The following HSPBP1 variants were observed in gnomAD, a reference collection of about 807,000 sequenced individuals.
The protein encoded by HSPBP1 is HSPA (Hsp70) binding protein 1.
In HSPBP1, 31 loss-of-function variants were observed where a neutral mutation model predicts 41.7. The observed-to-expected ratio is 0.74, with a 90% CI of 0.56 to 1.00. HSPBP1 has a LOEUF of 1.00. HSPBP1 is among the 50% of genes least tolerant of loss of function. The probability of loss-of-function intolerance (pLI) is 0.00; values close to 1 mark genes in which losing one functional copy is unlikely to be tolerated. For synonymous variants in HSPBP1, 199 were observed against 214.4 expected (o/e 0.93, Z 0.63); for missense variants, 439 against 487.9 (o/e 0.90, Z 0.94).
chr19:55,266,189 G>T lies in HSPBP1; in HGVS notation c.738C>A (p.Leu246=). 1 of 1,589,114 alleles carries T rather than the reference G, an allele frequency of 6.3e-7. No homozygotes were observed. Residue 246 remains leucine, a synonymous_variant, in exon 5 of 8, where the codon CTC becomes CTA. Coordinates refer to ENST00000433386, the MANE Select transcript of HSPBP1 (RefSeq NM_012267.5). ...GCAGCAGGAATGCTGATTTGACCTT[G>T]AGCTTCTGCACCTGCTGCTGCATGG... The part of the protein sequence containing the change: ...MRAMQQQVQK[L]KVKSAFLLQN...
chr19:55,266,509 C>A (rs2087790703), intron 4 of HSPBP1, among the ~76,000 whole-genome samples: 1 of 35,778 alleles, frequency 2.8e-5, no homozygotes, highest in African/African-American at 9.3e-5. Context: ...TCACCATCAC[C>A]ACCACCACCA....
chr19:55,274,002 G>A (rs1472699771), intron 4 of HSPBP1, among the ~76,000 whole-genome samples: 2 of 152,030 alleles, frequency 1.3e-5, no homozygotes, highest in African/African-American at 4.8e-5. Context: ...GCATTTGTGC[G>A]CTGGCAGGTG....
Position 55,262,339 on chromosome 19 carries a change from TGAAGGAGGA to T in HSPBP1, c.*260_*268del. 2 of 1,272,346 alleles carry T rather than the reference TGAAGGAGGA, an allele frequency of 1.6e-6. No individual in the cohort carries two copies. The highest frequency in any genetic ancestry group is 2.0e-6 in the Non-Finnish European group (2 of 1,000,496). The allele number at this position is 1,272,346 out of a possible 1,614,324, so 78.8% of individuals were successfully genotyped here. A position where few individuals can be genotyped will look rare whatever the true frequency, so the allele number is the denominator to read the frequency against. On this transcript the variant is annotated 3_prime_UTR_variant, in exon 8 of 8. Coordinates refer to ENST00000433386, the MANE Select transcript of HSPBP1 (RefSeq NM_012267.5). Reference sequence around the variant, plus strand: ...CCAAAGGAGATGACAAAGGCGGCAGTGAAGGAGGAGAAGGAGGAAGAGAAACACCTTTAT... The same window carrying T: ...CCAAAGGAGATGACAAAGGCGGCAGTGAAGGAGGAAGAGAAACACCTTTAT...
At chr19:55,262,924 C>G (rs977298209) in intron 7 of HSPBP1, among the ~76,000 whole-genome samples, 1 of 152,164 alleles carries the variant, frequency 6.6e-6, no homozygotes. Flanking sequence ...ATTGGTCTGC[C>G]TCATATCAGC....
chr19:55,277,763 T>C lies in HSPBP1; in HGVS notation c.294A>G (p.Arg98=), dbSNP rs779129924. Residue 98 remains arginine, a synonymous_variant, in exon 3 of 8, where the codon CGA becomes CGG. Coordinates refer to ENST00000433386, the MANE Select transcript of HSPBP1 (RefSeq NM_012267.5). The stretch of plus-strand genomic sequence containing the variant: ...TGGGGGGCATGGGCTGTGACAGCAC[T>C]CGGAGGCAGCTCTTCATCTGCTCCA... The part of the protein sequence containing the change: ...EEVEQMKSCL[R]VLSQPMPPTA... 1 of 1,606,746 alleles carries C rather than the reference T, an allele frequency of 6.2e-7. No individual in the cohort carries two copies. The highest frequency in any genetic ancestry group is 8.5e-7 in the Non-Finnish European group (1 of 1,176,274).
chr19:55,274,675 C>G, intron 3 of HSPBP1, 53 bp from the exon 4 acceptor site: 3 of 1,475,986 alleles, frequency 2.0e-6, no homozygotes, highest in Non-Finnish European at 2.8e-6. Flanking sequence ...CTGAACCGTG[C>G]CCCCCAAAAT....
chr19:55,266,049 C>A, intron 5 of HSPBP1, 67 bp from the exon 6 acceptor site: 1 of 1,560,932 alleles, frequency 6.4e-7, no homozygotes, highest in East Asian at 2.3e-5. Flanking sequence ...CCCGGGATGC[C>A]TGTTCCTCCC....
intron 2 of HSPBP1, among the ~76,000 whole-genome samples, chr19:55,278,075 C>T (rs1214233344): frequency 6.6e-6 from 1 of 152,016 alleles, no homozygotes; most frequent in Non-Finnish European, 1.5e-5. Context: ...GGTGAAACCC[C>T]GTCTCTACTA....
intron 3 of HSPBP1, among the ~76,000 whole-genome samples, chr19:55,275,114 C>T (rs973600884): frequency 2.0e-5 from 3 of 152,162 alleles, no homozygotes; most frequent in Non-Finnish European, 4.4e-5. Flanking sequence ...AACCAGAGGT[C>T]CCCCCAAGGC....
intron 4 of HSPBP1, among the ~76,000 whole-genome samples, chr19:55,269,411 C>A (rs894405092): frequency 1.3e-5 from 2 of 152,142 alleles, no homozygotes; most frequent in African/African-American, 4.8e-5. Context: ...CCCACCCTCG[C>A]CGCATTCACC....
Position 55,272,340 on chromosome 19 carries a change from G to A in HSPBP1, c.640+2058C>T, listed in dbSNP as rs559589678. 1.0e-3 allele frequency among the ~76,000 whole-genome samples: 153 copies of A among 152,212 alleles called. 1 individual carries two copies. The highest frequency in any genetic ancestry group is 3.4e-3 in the African/African-American group (141 of 41,542). ...GGGAAGGAACACAGCACTGCCACCC[G>A]CCACCACTCGGGGACCTTGCAGCAT... is the stretch of plus-strand genomic sequence containing the variant. On this transcript the variant is annotated intron_variant, in intron 4 of 7. Coordinates refer to ENST00000433386, the MANE Select transcript of HSPBP1 (RefSeq NM_012267.5). This position sits in a 1 kb window ranked among gnomAD's most constrained non-coding sequence, Gnocchi z 4.2.
intron 3 of HSPBP1, among the ~76,000 whole-genome samples, chr19:55,274,904 G>C (rs969681399): frequency 2.0e-5 from 3 of 152,160 alleles, no homozygotes; most frequent in African/African-American, 4.8e-5. Flanking sequence ...CCAAGGAGAG[G>C]GGGGCTCAGG....
intron 1 of HSPBP1, 25 bp downstream of exon 1, chr19:55,280,010 G>A (rs1246142225): frequency 1.4e-5 from 4 of 295,718 alleles, no homozygotes; most frequent in Admixed American, 5.2e-5. Context: ...TCCGAAGAGG[G>A]GCGCCGGAAT....
intron 4 of HSPBP1, among the ~76,000 whole-genome samples, 180 bp from the exon 5 acceptor site, chr19:55,266,466 TCACCACCATCCTCACC>T (rs2087786109): frequency 2.0e-5 from 1 of 50,656 alleles, no homozygotes; most frequent in Non-Finnish European, 4.1e-5. Context: ...ACCATCACCA[TCACCACCATCCTCACC>T]ACCACCACCA....
chr19:55,278,936 A>C (rs1373466248), intron 2 of HSPBP1, among the ~76,000 whole-genome samples: 9 of 151,484 alleles, frequency 5.9e-5, no homozygotes, highest in Admixed American at 3.3e-4. Context: ...AAAAAAAAAA[A>C]AAAAACAGCA....
chr19:55,266,795 A>G (rs551679223), intron 4 of HSPBP1, among the ~76,000 whole-genome samples: 1 of 152,250 alleles, frequency 6.6e-6, no homozygotes, highest in East Asian at 1.9e-4. Context: ...AGGGTTGTAT[A>G]ACCATCACCA....
At chr19:55,266,100 C>G in intron 5 of HSPBP1, 31 bp downstream of exon 5, 1 of 1,592,762 alleles carries the variant, frequency 6.3e-7, no homozygotes, top group South Asian at 1.1e-5. Context: ...GTCTGCTCCC[C>G]ACTCCTGCCC....
chr19:55,262,400 G>A lies in HSPBP1; in HGVS notation c.*208C>T, dbSNP rs554191573. The A allele has an allele frequency of 4.5e-5, 63 of 1,393,412 alleles. No individual in the cohort carries two copies. The highest frequency in any genetic ancestry group is 1.6e-4 in the African/African-American group (11 of 69,036). The allele number at this position is 1,393,412 out of a possible 1,614,324, so 86.3% of individuals were successfully genotyped here. A position where few individuals can be genotyped will look rare whatever the true frequency, so the allele number is the denominator to read the frequency against. ...GGAAGAGCTGTGTGGACAAGAGAACGGGGATGAGAGTGAGAGCATGGGAGG... is the reference window on the plus strand; with the variant it reads ...GGAAGAGCTGTGTGGACAAGAGAACAGGGATGAGAGTGAGAGCATGGGAGG... On this transcript the variant is annotated 3_prime_UTR_variant, in exon 8 of 8. Coordinates refer to ENST00000433386, the MANE Select transcript of HSPBP1 (RefSeq NM_012267.5).
intron 7 of HSPBP1, among the ~76,000 whole-genome samples, chr19:55,264,160 G>A (rs1198842837): frequency 6.6e-6 from 1 of 151,898 alleles, no homozygotes; most frequent in Non-Finnish European, 1.5e-5. Context: ...GTAGAGATGG[G>A]GTTTTACCAT....
Sources: allele counts gnomAD v4.1 joint callset (sites outside exome capture counted in the v4.1 genomes callset), GRCh38; gene constraint gnomAD v4.1.1; non-coding constraint Gnocchi (gnomAD v3.1); transcripts MANE v1.5; gene names NCBI Gene and HGNC (gene_info 2026-07-23, HGNC 2026-07-21).